UNC13C: variants seen among roughly 807,000 people sequenced by gnomAD.
The protein encoded by UNC13C is protein unc-13 homolog C.
Under a neutral mutation model 245.4 loss-of-function variants are expected in UNC13C, and 174 were observed. The observed-to-expected ratio is 0.71, with a 90% CI of 0.63 to 0.80. The LOEUF is 0.80. Ranked by LOEUF, UNC13C falls within the 30% of genes least tolerant of loss-of-function variation. The pLI, the probability that UNC13C is intolerant of heterozygous loss-of-function variation, is 0.00. For missense variants in UNC13C, 2,829 were observed against 2,602.9 expected (o/e 1.09, Z -1.89); for synonymous variants, 992 against 895.1 (o/e 1.11, Z -1.93).
chr15:53,942,241 T>C, the UNC13C span, among the ~76,000 whole-genome samples: 2 of 152,228 alleles, frequency 1.3e-5, no homozygotes, highest in Non-Finnish European at 2.9e-5. Context: ...AGTGAGATCA[T>C]GTCCTTTGCA....
At chr15:54,136,592 A>T (rs2031745075) in intron 2 of UNC13C, among the ~76,000 whole-genome samples, 1 of 152,064 alleles carries the variant, frequency 6.6e-6, no homozygotes, top group South Asian at 2.1e-4. Flanking sequence ...GCTGGATAGA[A>T]ACGATGAGAG....
intron 1 of UNC13C, among the ~76,000 whole-genome samples, chr15:54,005,189 T>C (rs1895081488): frequency 6.6e-6 from 1 of 152,178 alleles, no homozygotes; most frequent in Non-Finnish European, 1.5e-5. Context: ...GAGACTTGCA[T>C]TTCAACAAAG....
chr15:53,984,219 C>G (rs1408945871), intron 1 of UNC13C, among the ~76,000 whole-genome samples: 1 of 151,972 alleles, frequency 6.6e-6, no homozygotes, highest in African/African-American at 2.4e-5. Context: ...TTTTTTACAA[C>G]CAGATCTGAC....
At chr15:54,272,694 T>G (rs972065449) in intron 10 of UNC13C, among the ~76,000 whole-genome samples, 5 of 152,190 alleles carry the variant, frequency 3.3e-5, no homozygotes, top group African/African-American at 4.8e-5. Context: ...AATAACCAAT[T>G]CTACTGTTCG....
At chr15:54,201,455 G>C (rs755013141) in intron 4 of UNC13C, among the ~76,000 whole-genome samples, 19 of 151,866 alleles carry the variant, frequency 1.3e-4, no homozygotes, top group Non-Finnish European at 2.5e-4. Flanking sequence ...ATATCAAAAA[G>C]ATAATCCACC....
At chr15:54,222,933 CAG>C (rs1409439321) in intron 4 of UNC13C, among the ~76,000 whole-genome samples, 1 of 151,684 alleles carries the variant, frequency 6.6e-6, no homozygotes, top group Non-Finnish European at 1.5e-5. Context: ...CATTTTTAAT[CAG>C]ATTATTAGAT....
At chr15:54,552,737 TATATA>T (rs1431510633) in intron 28 of UNC13C, among the ~76,000 whole-genome samples, 8 of 75,926 alleles carry the variant, frequency 1.1e-4, no homozygotes, top group South Asian at 4.5e-4. Context: ...TATAATATAA[TATATA>T]TTATATAGTA....
chr15:54,454,933 T>C (rs1291623414), intron 19 of UNC13C, among the ~76,000 whole-genome samples: 2 of 151,744 alleles, frequency 1.3e-5, no homozygotes, highest in African/African-American at 4.8e-5. Flanking sequence ...TAGTATACAC[T>C]ACACCAAAAC....
At chr15:54,315,490 T>C (rs1168775794) in intron 13 of UNC13C, among the ~76,000 whole-genome samples, 1 of 151,638 alleles carries the variant, frequency 6.6e-6, no homozygotes, top group Non-Finnish European at 1.5e-5. Flanking sequence ...AATTATAGAA[T>C]TTACTTTTTT....
At chr15:54,571,569 T>C (rs1446190753) in intron 30 of UNC13C, among the ~76,000 whole-genome samples, 2 of 152,232 alleles carry the variant, frequency 1.3e-5, no homozygotes, top group African/African-American at 4.8e-5. Flanking sequence ...CAAATACCCA[T>C]GAATAGTCAT....
the UNC13C span, among the ~76,000 whole-genome samples, chr15:53,891,332 C>T: frequency 6.6e-6 from 1 of 152,086 alleles, no homozygotes; most frequent in Non-Finnish European, 1.5e-5. Context: ...AGAAGAATGT[C>T]TATTCTGTTG....
At chr15:54,448,727 C>T (rs1486556091) in intron 19 of UNC13C, among the ~76,000 whole-genome samples, 1 of 152,140 alleles carries the variant, frequency 6.6e-6, no homozygotes, top group East Asian at 1.9e-4. Flanking sequence ...ATTCTCTATC[C>T]AATTTGCCAG....
At chr15:53,948,027 T>G in the UNC13C span, 1 of 152,194 alleles carries the variant, frequency 6.6e-6, no homozygotes, top group Non-Finnish European at 1.5e-5. Flanking sequence ...GTAGCGCAAT[T>G]AGGTGAACAT....
At chr15:53,893,496 G>T in the UNC13C span, among the ~76,000 whole-genome samples, 2 of 152,200 alleles carry the variant, frequency 1.3e-5, no homozygotes, top group Non-Finnish European at 2.9e-5. Context: ...GGAGATGGGG[G>T]TTTTATCTAT....
chr15:54,174,377 C>G (rs28504658), intron 4 of UNC13C, among the ~76,000 whole-genome samples: 1 of 151,910 alleles, frequency 6.6e-6, no homozygotes, highest in Non-Finnish European at 1.5e-5. Flanking sequence ...CAGTAGTGAG[C>G]TGGCTTATTT....
At chr15:54,345,169 A>C (rs1410154825) in intron 17 of UNC13C, among the ~76,000 whole-genome samples, 1 of 152,220 alleles carries the variant, frequency 6.6e-6, no homozygotes, top group African/African-American at 2.4e-5. Context: ...TAATGTGAGC[A>C]ATGCTTTACC....
chr15:54,221,066 T>C (rs1416634957), intron 4 of UNC13C, among the ~76,000 whole-genome samples: 1 of 152,078 alleles, frequency 6.6e-6, no homozygotes, highest in Non-Finnish European at 1.5e-5. Flanking sequence ...ATCAGAAGTT[T>C]AAGAAATAAG....
At chr15:54,172,737 T>TAAATATATATATATATATATAA (rs1567067134) in intron 4 of UNC13C, among the ~76,000 whole-genome samples, 1 of 103,676 alleles carries the variant, frequency 9.6e-6, no homozygotes, top group Non-Finnish European at 1.8e-5. Flanking sequence ...TATATATATA[T>TAAATATATATATATATATATAA]ATATATATAT....
At chr15:54,006,887 G>T (rs1895162326) in intron 1 of UNC13C, among the ~76,000 whole-genome samples, 1 of 152,166 alleles carries the variant, frequency 6.6e-6, no homozygotes, top group Non-Finnish European at 1.5e-5. Flanking sequence ...CTTGGTCGGT[G>T]TGCTGCTCAA....
Sources: allele counts gnomAD v4.1 joint callset (sites outside exome capture counted in the v4.1 genomes callset), GRCh38; gene constraint gnomAD v4.1.1; transcripts MANE v1.5; gene names NCBI Gene and HGNC (gene_info 2026-07-23, HGNC 2026-07-21).